The following DMGDH variants were observed in gnomAD, a reference collection of about 807,000 sequenced individuals.
DMGDH encodes dimethylglycine dehydrogenase.
DMGDH carries 76 observed loss-of-function variants against 95.2 expected under a neutral mutation model. The observed-to-expected ratio is 0.80, with a 90% CI of 0.66 to 0.97. The LOEUF is 0.97. Among genes scored for constraint, DMGDH ranks in the 50% least tolerant of loss-of-function variants. DMGDH has a pLI of 0.00. For missense variants in DMGDH, 987 were observed against 1,055.0 expected, an observed-to-expected ratio of 0.94 and a Z score of 0.89; for synonymous variants, 345 against 377.6, an observed-to-expected ratio of 0.91 and a Z score of 1.00.
At chr5:79,026,125 T>G (rs1753994087) in intron 13 of DMGDH, among the ~76,000 whole-genome samples, 2 of 152,212 alleles carry the variant, frequency 1.3e-5, no homozygotes, top group South Asian at 4.1e-4. Flanking sequence ...AGGAGAGATT[T>G]TGAAAAGTGT....
intron 14 of DMGDH, among the ~76,000 whole-genome samples, chr5:79,019,704 G>A (rs1235743546): frequency 6.6e-6 from 1 of 152,114 alleles, no homozygotes; most frequent in Non-Finnish European, 1.5e-5. Flanking sequence ...GGCCAACAAG[G>A]TGAAACCTCG....
At chr5:79,028,390 T>G in intron 12 of DMGDH, 43 bp downstream of exon 12, 1 of 1,527,398 alleles carries the variant, frequency 6.5e-7, no homozygotes, top group Non-Finnish European at 9.1e-7. Flanking sequence ...AAATTGACCT[T>G]TTAAATTTCA....
intron 11 of DMGDH, 48 bp downstream of exon 11, chr5:79,029,856 A>C (rs1754105199): frequency 6.3e-7 from 1 of 1,592,532 alleles, no homozygotes; most frequent in South Asian, 1.1e-5. Flanking sequence ...TGTAAGATTG[A>C]GTCAATATAT....
At chr5:79,004,616 TA>T (rs1178802197) in intron 15 of DMGDH, among the ~76,000 whole-genome samples, 3 of 151,864 alleles carry the variant, frequency 2.0e-5, no homozygotes, top group Admixed American at 2.0e-4. Context: ...CAAATAGTAA[TA>T]AAAAAATGGA....
At position 79,024,435 on chromosome 5, in the gene DMGDH, A is replaced by G. The variant is rs1364329732; in HGVS notation, c.2191-105T>C. The stretch of plus-strand genomic sequence containing the variant: ...AGAAAGAACCCTTTTTGATTTTTCA[A>G]CACAGATTCTAAAGAAAGGCAAACT... On this transcript the variant is annotated intron_variant, in intron 13 of 15. Transcript: ENST00000255189. The G allele has an allele frequency of 7.9e-6, 9 of 1,132,186 alleles. No individual in the cohort carries two copies. The African/African-American group carries it at 1.2e-4, about 15-fold the overall frequency. The allele number at this position is 1,132,186 out of a possible 1,614,324, so 70.1% of individuals were successfully genotyped here.
chr5:79,020,004 G>A (rs962914221), intron 14 of DMGDH, among the ~76,000 whole-genome samples: 1 of 152,180 alleles, frequency 6.6e-6, no homozygotes, highest in Non-Finnish European at 1.5e-5. Context: ...TTTCTAGCAG[G>A]TCCCAGGTGA....
chr5:78,998,432 C>T (rs138564794), intron 15 of DMGDH, 135 bp from the exon 16 acceptor site: 38 of 771,250 alleles, frequency 4.9e-5, no homozygotes, highest in South Asian at 3.2e-4. Flanking sequence ...GGGGGGACAA[C>T]GCCAGAGACA....
intron 15 of DMGDH, chr5:79,000,335 G>A: frequency 4.5e-6 from 3 of 668,620 alleles, no homozygotes; most frequent in Non-Finnish European, 8.5e-6. Flanking sequence ...TCACAATCCT[G>A]TAAGAAGGTC....
intron 15 of DMGDH, chr5:79,000,939 T>C (rs1179025685): frequency 1.5e-6 from 1 of 675,452 alleles, no homozygotes; most frequent in Non-Finnish European, 2.7e-6. Flanking sequence ...ACCTGGGTCC[T>C]CATTTGGCAG....
At chr5:79,013,113 A>C (rs1247531347) in intron 14 of DMGDH, among the ~76,000 whole-genome samples, 1 of 152,136 alleles carries the variant, frequency 6.6e-6, no homozygotes, top group Non-Finnish European at 1.5e-5. Flanking sequence ...ATAAGTTCCA[A>C]CTTCAGGTCA....
Position 79,016,270 on chromosome 5 carries a change from A to C in DMGDH, c.2250+8001T>G, listed in dbSNP as rs530350338. The stretch of plus-strand genomic sequence containing the variant: ...AGGAATATAAGGCAAGAAAAAGAAA[A>C]AAAAGATATCCAAATTAGAAAAGAC... On this transcript the variant is annotated intron_variant, in intron 14 of 15. Transcript: ENST00000255189. Among the ~76,000 whole-genome samples, 43 of 152,172 alleles carry C rather than the reference A, an allele frequency of 2.8e-4. No individual in the cohort carries two copies. The East Asian group carries it at 7.7e-3, about 27-fold the overall frequency.
chr5:79,050,248 C>CAAT (rs1288764769), intron 5 of DMGDH, among the ~76,000 whole-genome samples: 2 of 78,650 alleles, frequency 2.5e-5, no homozygotes, highest in African/African-American at 1.1e-4. Flanking sequence ...AACTTTGTCT[C>CAAT]AAAAAAAAAA....
At position 78,997,936 on chromosome 5, in the gene DMGDH, GA is replaced by G; in HGVS notation, c.*145del. The G allele has an allele frequency of 1.3e-6, 1 of 798,890 alleles. No homozygotes were observed. Among genetic ancestry groups the G allele is most frequent in the Non-Finnish European group, 2.0e-6 (1 of 496,122 alleles). The allele number at this position is 798,890 out of a possible 1,614,324, so 49.5% of individuals were successfully genotyped here. The stretch of plus-strand genomic sequence containing the variant: ...TGTCTTGCTTAGAAAACACTTAACA[GA>G]AAGGTTTCATTAAGATTCTAAATTT... On this transcript the variant is annotated 3_prime_UTR_variant, in exon 16 of 16. Coordinates refer to ENST00000255189, the MANE Select transcript of DMGDH (RefSeq NM_013391.3).
intron 1 of DMGDH, among the ~76,000 whole-genome samples, chr5:79,067,492 C>T (rs2112683308): frequency 6.6e-6 from 1 of 152,262 alleles, no homozygotes; most frequent in Non-Finnish European, 1.5e-5. Flanking sequence ...GATCAGGAAA[C>T]CTGGGTTTGA....
intron 14 of DMGDH, among the ~76,000 whole-genome samples, chr5:79,023,282 CA>C (rs1391692773): frequency 6.6e-6 from 1 of 152,098 alleles, no homozygotes; most frequent in Non-Finnish European, 1.5e-5. Flanking sequence ...GGAGTTCTAA[CA>C]AATATCCTAA....
chr5:79,061,184 A>T (rs538305768), intron 2 of DMGDH, among the ~76,000 whole-genome samples: 28 of 150,666 alleles, frequency 1.9e-4, no homozygotes, highest in African/African-American at 6.8e-4. Flanking sequence ...ACGCCACTGC[A>T]CTCCAGCCTG....
chr5:79,069,556 G>A lies in DMGDH; in HGVS notation c.65C>T (p.Ser22Phe), dbSNP rs1459755487. 1.2e-5 allele frequency: 16 copies of A among 1,328,166 alleles called. No homozygotes were observed. The highest frequency in any genetic ancestry group is 4.2e-5 in the South Asian group (2 of 47,874). The allele number at this position is 1,328,166 out of a possible 1,614,324, so 82.3% of individuals were successfully genotyped here. The stretch of plus-strand genomic sequence containing the variant: ...GCAGACAGAGCGCGGGCGCCCGGGG[G>A]AGCCCTGCAGCGGGCAGCTCCGCAG... ...LLLRSCPLQG[S>F]PGRPRSVCGR... The change falls in exon 1 of 16, where the codon TCC (serine) becomes TTC (phenylalanine). Residue 22 changes from serine to phenylalanine, a missense_variant. Transcript: ENST00000255189.
At position 79,026,437 on chromosome 5, in the gene DMGDH, G is replaced by T; in HGVS notation, c.2177C>A (p.Ala726Asp). The change falls in exon 13 of 16, where the codon GCC (alanine) becomes GAC (aspartate). Residue 726 changes from alanine (A) to aspartate (D), a missense_variant. Ala to Asp is a moderately radical substitution (Grantham distance 126). Transcript: ENST00000255189. ...NALRLEKAFR[A>D]WGLEMNCDTN... The stretch of plus-strand genomic sequence containing the variant: ...AGCATTTCAAACCTCTAACCCCCAG[G>T]CTCTGAAGGCTTTCTCCAGGCGTAA... 3 of 1,614,036 alleles carry T rather than the reference G, an allele frequency of 1.9e-6. No individual in the cohort carries two copies. Among genetic ancestry groups the T allele is most frequent in the Non-Finnish European group, 2.5e-6 (3 of 1,179,980 alleles).
intron 1 of DMGDH, among the ~76,000 whole-genome samples, chr5:79,069,240 A>G (rs1755472289): frequency 1.3e-5 from 2 of 152,230 alleles, no homozygotes; most frequent in African/African-American, 2.4e-5. Flanking sequence ...AGGAAAACCT[A>G]TACTGACCTG....
Sources: allele counts gnomAD v4.1 joint callset (sites outside exome capture counted in the v4.1 genomes callset), GRCh38; gene constraint gnomAD v4.1.1; transcripts MANE v1.5; gene names NCBI Gene and HGNC (gene_info 2026-07-23, HGNC 2026-07-21).